The following PRKN variants were observed in gnomAD, a reference collection of about 807,000 sequenced individuals.
The protein encoded by PRKN is E3 ubiquitin-protein ligase parkin.
A neutral mutation model predicts 59.5 loss-of-function variants in PRKN; 56 were observed. That is an observed-to-expected ratio of 0.94 (90% confidence interval 0.76 to 1.18). The LOEUF (loss-of-function observed/expected upper bound fraction) is 1.18, where lower values mean the gene tolerates loss of function less well. Among genes scored for constraint, PRKN ranks in the 50% most tolerant of loss-of-function variants. The pLI, the probability that PRKN is intolerant of heterozygous loss-of-function variation, is 0.00. For synonymous variants in PRKN, 250 were observed against 222.1 expected, an observed-to-expected ratio of 1.13 and a Z score of -1.12; for missense variants, 657 against 596.4, an observed-to-expected ratio of 1.10 and a Z score of -1.06.
intron 2 of PRKN, among the ~76,000 whole-genome samples, chr6:162,338,289 T>G: frequency 6.6e-6 from 1 of 152,194 alleles, no homozygotes; most frequent in Non-Finnish European, 1.5e-5. Context: ...TCCCTCTCTT[T>G]CCACGGTCTC....
chr6:161,779,705 A>G (rs193193596), intron 7 of PRKN, among the ~76,000 whole-genome samples: 1 of 152,070 alleles, frequency 6.6e-6, no homozygotes, highest in East Asian at 1.9e-4. Flanking sequence ...GTCCTACCAA[A>G]GTGTTGGGAT....
intron 6 of PRKN, among the ~76,000 whole-genome samples, chr6:161,897,796 C>T (rs904759360): frequency 5.0e-5 from 7 of 139,266 alleles, no homozygotes; most frequent in Admixed American, 7.1e-5. Context: ...GGTGAAACCC[C>T]GTCTCTACTG....
chr6:162,091,609 C>A (rs530632865), intron 4 of PRKN, among the ~76,000 whole-genome samples: 22 of 152,174 alleles, frequency 1.4e-4, no homozygotes, highest in Admixed American at 4.6e-4. Context: ...AGGCACCGAT[C>A]GTCTGGTTTT....
intron 6 of PRKN, among the ~76,000 whole-genome samples, chr6:161,815,425 C>A (rs564372393): frequency 2.6e-5 from 4 of 152,294 alleles, no homozygotes; most frequent in African/African-American, 9.6e-5. Context: ...TAGCAGGGGA[C>A]TTTTTGTTCC....
At chr6:161,904,590 CAG>C (rs1778071811) in intron 6 of PRKN, among the ~76,000 whole-genome samples, 1 of 152,158 alleles carries the variant, frequency 6.6e-6, no homozygotes, top group Non-Finnish European at 1.5e-5. Context: ...ACTGAGATTA[CAG>C]GCGTAAGCCA....
chr6:162,051,313 C>T (rs148491279), intron 5 of PRKN, among the ~76,000 whole-genome samples: 1,881 of 152,164 alleles, frequency 0.012, 40 homozygotes, highest in African/African-American at 0.043. Flanking sequence ...CTTAAGCATC[C>T]CGAATGCTCA....
chr6:162,529,463 T>C (rs897628510), intron 1 of PRKN, among the ~76,000 whole-genome samples: 14 of 152,328 alleles, frequency 9.2e-5, no homozygotes, highest in South Asian at 8.3e-4. Flanking sequence ...TTAATATTCA[T>C]TCATTCTGAG....
intron 3 of PRKN, among the ~76,000 whole-genome samples, chr6:162,235,334 G>A (rs1029697911): frequency 6.6e-6 from 1 of 152,134 alleles, no homozygotes; most frequent in Non-Finnish European, 1.5e-5. Context: ...AATATTGTTT[G>A]AATATCTATG....
At chr6:161,965,420 G>T (rs61413123) in intron 6 of PRKN, among the ~76,000 whole-genome samples, 17,937 of 151,978 alleles carry the variant, frequency 0.12, 1,613 homozygotes, top group African/African-American at 0.23. Context: ...TAAGCAAATC[G>T]GGCTATTTTT....
chr6:162,559,823 T>C (rs550726739), intron 1 of PRKN, among the ~76,000 whole-genome samples: 10 of 149,116 alleles, frequency 6.7e-5, no homozygotes, highest in Middle Eastern at 3.5e-3. Flanking sequence ...TTGATGGAGA[T>C]AGAAATTAAA....
chr6:161,724,566 C>A (rs1379766376), intron 7 of PRKN, among the ~76,000 whole-genome samples: 1 of 152,170 alleles, frequency 6.6e-6, no homozygotes, highest in Non-Finnish European at 1.5e-5. Flanking sequence ...TACATTTTAT[C>A]TAGCCATCTA....
At chr6:162,495,873 T>C (rs573845449) in intron 1 of PRKN, among the ~76,000 whole-genome samples, 1 of 152,248 alleles carries the variant, frequency 6.6e-6, no homozygotes, top group Non-Finnish European at 1.5e-5. Context: ...GGTCACCAAC[T>C]CCTGCCCCCT....
At chr6:162,692,259 G>C (rs1335186157) in intron 1 of PRKN, among the ~76,000 whole-genome samples, 4 of 151,856 alleles carry the variant, frequency 2.6e-5, no homozygotes, top group African/African-American at 9.7e-5. Flanking sequence ...GTGCAGTAAA[G>C]GGTTAACTTA....
intron 6 of PRKN, among the ~76,000 whole-genome samples, chr6:161,888,450 G>A (rs1045321318): frequency 4.6e-5 from 7 of 151,932 alleles, no homozygotes; most frequent in East Asian, 1.9e-4. Flanking sequence ...CACACCATAC[G>A]GTCTTGCCAT....
intron 7 of PRKN, among the ~76,000 whole-genome samples, chr6:161,693,399 T>C (rs1785884288): frequency 6.6e-6 from 1 of 152,132 alleles, no homozygotes; most frequent in Non-Finnish European, 1.5e-5. Context: ...CCCAGCCAGG[T>C]GATGGTTGAC....
chr6:162,471,277 T>C (rs985267093), intron 1 of PRKN, among the ~76,000 whole-genome samples: 1 of 151,082 alleles, frequency 6.6e-6, no homozygotes, highest in Non-Finnish European at 1.5e-5. Flanking sequence ...TTTGTATTTT[T>C]AGTAGAGATG....
chr6:161,495,032 AG>A (rs1360763517), intron 9 of PRKN, among the ~76,000 whole-genome samples: 2 of 152,262 alleles, frequency 1.3e-5, no homozygotes, highest in Non-Finnish European at 2.9e-5. Context: ...TATCCACTTT[AG>A]GAAAGCAAAA....
chr6:162,072,495 G>A (rs551659648), intron 4 of PRKN, among the ~76,000 whole-genome samples: 3 of 152,112 alleles, frequency 2.0e-5, no homozygotes, highest in African/African-American at 4.8e-5. Flanking sequence ...TTGGAATATC[G>A]ATCCCAAACA....
rs990376748 is a variant in PRKN at position 161,397,162 on chromosome 6, T to C, written c.1084-10285A>G. Among the ~76,000 whole-genome samples, 2 of 152,208 alleles carry C rather than the reference T, an allele frequency of 1.3e-5. No homozygotes were observed. The highest frequency in any genetic ancestry group is 2.9e-5 in the Non-Finnish European group (2 of 68,038). On this transcript the variant is annotated intron_variant, in intron 9 of 11. Coordinates refer to ENST00000366898, the MANE Select transcript of PRKN (RefSeq NM_004562.3). The surrounding 1 kb of genome is among the most constrained non-coding windows in gnomAD (Gnocchi z 4.2). Reference sequence around the variant, plus strand: ...TATCTCCTCTTCTAAAGGGATAGGATTTGTATCTTATTCATCTTTGTCTTC... The same window carrying C: ...TATCTCCTCTTCTAAAGGGATAGGACTTGTATCTTATTCATCTTTGTCTTC...
Sources: allele counts gnomAD v4.1 joint callset (sites outside exome capture counted in the v4.1 genomes callset), GRCh38; gene constraint gnomAD v4.1.1; non-coding constraint Gnocchi (gnomAD v3.1); transcripts MANE v1.5; gene names NCBI Gene and HGNC (gene_info 2026-07-23, HGNC 2026-07-21).